MBD5: variants seen among roughly 807,000 people sequenced by gnomAD.
The protein encoded by MBD5 is methyl-CpG-binding domain protein 5.
In MBD5, 13 loss-of-function variants were observed where a neutral mutation model predicts 117.3. That is an observed-to-expected ratio of 0.11 (90% CI 0.07 to 0.18). The LOEUF (loss-of-function observed/expected upper bound fraction) is 0.18. Ranked by LOEUF, MBD5 falls within the 10% of genes least tolerant of loss-of-function variation. The probability of loss-of-function intolerance (pLI) is 1.00; values close to 1 mark genes in which losing one functional copy is unlikely to be tolerated. For missense variants in MBD5, 1,879 were observed against 2,093.8 expected (o/e 0.90, Z 2.00); for synonymous variants, 727 against 766.4 (o/e 0.95, Z 0.85).
At position 148,144,831 on chromosome 2, in the gene MBD5, T is replaced by G. The variant is rs577611288; in HGVS notation, c.-924-33869T>G. ...TATCTCTGTTTTGGTACCAGTACCA[T>G]GCTGTTTTGGTTACTGTACCCTTGT... On this transcript the variant is annotated intron_variant, in intron 1 of 13. Coordinates refer to ENST00000642680, the MANE Select transcript of MBD5 (RefSeq NM_001378120.1). 2.6e-5 allele frequency among the ~76,000 whole-genome samples: 4 copies of G among 152,344 alleles called. No homozygotes were observed. In the East Asian group the frequency reaches 7.7e-4, roughly 29 times the overall value.
intron 4 of MBD5, among the ~76,000 whole-genome samples, chr2:148,389,337 A>G (rs1167200189): frequency 1.5e-5 from 2 of 132,084 alleles, no homozygotes; most frequent in African/African-American, 5.5e-5. Context: ...CCCAGCATTG[A>G]TGGCACTTAG....
intron 1 of MBD5, among the ~76,000 whole-genome samples, chr2:148,092,770 CT>C (rs1184067003): frequency 6.6e-6 from 1 of 150,760 alleles, no homozygotes; most frequent in Non-Finnish European, 1.5e-5. Context: ...AAGAACTTTT[CT>C]ATGCAACCAA....
At chr2:148,276,656 A>G (rs1430050358) in intron 3 of MBD5, among the ~76,000 whole-genome samples, 2 of 152,184 alleles carry the variant, frequency 1.3e-5, no homozygotes, top group African/African-American at 2.4e-5. Flanking sequence ...TATTTCAGTA[A>G]TGTCGTTTTA....
intron 1 of MBD5, among the ~76,000 whole-genome samples, chr2:148,066,394 C>G (rs1695194047): frequency 6.6e-6 from 1 of 151,898 alleles, no homozygotes; most frequent in Non-Finnish European, 1.5e-5. Context: ...CTGATGAAGC[C>G]TCATTTTTTC....
intron 3 of MBD5, among the ~76,000 whole-genome samples, chr2:148,247,331 A>T (rs1336376851): frequency 6.6e-6 from 1 of 152,234 alleles, no homozygotes; most frequent in Non-Finnish European, 1.5e-5. Flanking sequence ...TTTACCAAAA[A>T]CTACATTTGA....
rs534811464 is a variant in MBD5 at position 148,100,896 on chromosome 2, A to T, written c.-924-77804A>T. Among the ~76,000 whole-genome samples, 8 of 149,304 alleles carry T rather than the reference A, an allele frequency of 5.4e-5. No homozygotes were observed. The East Asian group carries it at 1.6e-3, about 30-fold the overall frequency. ...GAGGAGTGTCAGTCACATTGTTAGA[A>T]GAGAATGTGGGATAGGATTGATTGA... On this transcript the variant is annotated intron_variant, in intron 1 of 13. Coordinates refer to ENST00000642680, the MANE Select transcript of MBD5 (RefSeq NM_001378120.1).
At chr2:148,421,357 A>G (rs575635299) in intron 4 of MBD5, among the ~76,000 whole-genome samples, 5 of 152,216 alleles carry the variant, frequency 3.3e-5, no homozygotes, top group Admixed American at 2.6e-4. Context: ...AAGGGAAGCC[A>G]TGAGGGGCTG....
rs377593360 is a variant in MBD5, at chr2:148,132,055, G to C, written c.-924-46645G>C. 2.9e-3 allele frequency among the ~76,000 whole-genome samples: 443 copies of C among 152,162 alleles called. 26 individuals carry two copies. The South Asian group carries it at 0.09, about 31-fold the overall frequency. On this transcript the variant is annotated intron_variant, in intron 1 of 13. Transcript: ENST00000642680. ...AGACTTGAGCTGCAATTCTGCTCAT[G>C]TGACCTCTCCAAGTTTGTTTTCTCA...
chr2:148,384,633 C>A (rs1704281503), intron 4 of MBD5, among the ~76,000 whole-genome samples: 1 of 151,918 alleles, frequency 6.6e-6, no homozygotes. Context: ...TATGGAACCA[C>A]AAAAGAGTCC....
At chr2:148,089,485 A>G (rs1695881541) in intron 1 of MBD5, among the ~76,000 whole-genome samples, 1 of 152,172 alleles carries the variant, frequency 6.6e-6, no homozygotes, top group African/African-American at 2.4e-5. Context: ...AATAAATTAT[A>G]TCAGGTACCC....
Position 148,184,684 on chromosome 2 carries a change from G to A in MBD5, c.-831+5891G>A, listed in dbSNP as rs148030727. Among the ~76,000 whole-genome samples, 246 of 152,172 alleles carry A rather than the reference G, an allele frequency of 1.6e-3. 1 individual carries two copies. Among genetic ancestry groups the A allele is most frequent in the African/African-American group, 5.5e-3 (227 of 41,522 alleles). On this transcript the variant is annotated intron_variant, in intron 2 of 13. Coordinates refer to ENST00000642680, the MANE Select transcript of MBD5 (RefSeq NM_001378120.1). Reference sequence around the variant, plus strand: ...ATTTTATTTTTCTTTGAAAACAGTTGTGCTTCTTCAATGTCTTGATATGTT... The same window carrying A: ...ATTTTATTTTTCTTTGAAAACAGTTATGCTTCTTCAATGTCTTGATATGTT...
chr2:148,059,409 A>C (rs1694964892), intron 1 of MBD5, among the ~76,000 whole-genome samples: 1 of 152,190 alleles, frequency 6.6e-6, no homozygotes. Context: ...CGTTACTGTT[A>C]AGTTTGCATA....
chr2:148,208,400 TGC>T (rs1325429825), intron 2 of MBD5, among the ~76,000 whole-genome samples: 1 of 152,062 alleles, frequency 6.6e-6, no homozygotes, highest in Non-Finnish European at 1.5e-5. Context: ...ACTACAAGCA[TGC>T]GCTCCAATGC....
intron 1 of MBD5, among the ~76,000 whole-genome samples, chr2:148,171,849 A>G (rs1574092465): frequency 2.0e-5 from 3 of 152,338 alleles, no homozygotes; most frequent in African/African-American, 7.2e-5. Context: ...CAAGAAAATA[A>G]TCCCATTTAC....
chr2:148,144,411 G>C (rs1204907681), intron 1 of MBD5, among the ~76,000 whole-genome samples: 1 of 152,194 alleles, frequency 6.6e-6, no homozygotes, highest in Non-Finnish European at 1.5e-5. Context: ...TGTTCACTCT[G>C]ATGGTAGTTT....
rs1325365848 is a variant in MBD5 at position 148,229,168 on chromosome 2, GT to G, written c.-830-4071del. 2.0e-5 allele frequency among the ~76,000 whole-genome samples: 3 copies of G among 148,964 alleles called. No homozygotes were observed. The East Asian group carries it at 5.9e-4, about 29-fold the overall frequency. ...ATTTTGCAGCCTGCTTTGCTTCATT[GT>G]TTTTTCTTTTCTTTCTTTTTTTTTT... On this transcript the variant is annotated intron_variant, in intron 2 of 13. Coordinates refer to ENST00000642680, the MANE Select transcript of MBD5 (RefSeq NM_001378120.1).
intron 3 of MBD5, among the ~76,000 whole-genome samples, chr2:148,319,873 T>A (rs1184461843): frequency 6.6e-6 from 1 of 152,204 alleles, no homozygotes; most frequent in African/African-American, 2.4e-5. Flanking sequence ...CCACCAAGTA[T>A]GATGTTGGCT....
intron 4 of MBD5, among the ~76,000 whole-genome samples, chr2:148,421,543 T>TC (rs1285471834): frequency 6.6e-6 from 1 of 152,020 alleles, no homozygotes; most frequent in African/African-American, 2.4e-5. Flanking sequence ...TTTTTTTTTT[T>TC]CATACCCAGT....
chr2:148,428,392 A>C (rs1400295066), intron 4 of MBD5, among the ~76,000 whole-genome samples: 2 of 152,212 alleles, frequency 1.3e-5, no homozygotes, highest in African/African-American at 4.8e-5. Context: ...GATAGGAAGA[A>C]TCAGTATCGT....
Sources: gnomAD v4.1 joint callset for allele counts (sites outside exome capture counted in the v4.1 genomes callset) on GRCh38, gnomAD v4.1.1 for gene constraint, MANE v1.5 for transcripts, NCBI Gene and HGNC (gene_info 2026-07-23, HGNC 2026-07-21) for gene names.